The following TRIM36 variants were observed in gnomAD, a reference collection of about 807,000 sequenced individuals.
TRIM36 encodes the protein E3 ubiquitin-protein ligase TRIM36.
A neutral mutation model predicts 72.4 loss-of-function variants in TRIM36; 42 were observed. The ratio of observed to expected loss-of-function variants is 0.58; its 90% confidence interval spans 0.45 to 0.75. The LOEUF is 0.75. TRIM36 is among the 30% of genes least tolerant of loss of function. TRIM36 has a pLI of 0.00. For synonymous variants in TRIM36, 315 were observed against 282.8 expected, an observed-to-expected ratio of 1.11 and a Z score of -1.14; for missense variants, 913 against 857.1, an observed-to-expected ratio of 1.07 and a Z score of -0.81.
intron 4 of TRIM36, among the ~76,000 whole-genome samples, chr5:115,143,875 T>G (rs1189172274): frequency 6.6e-6 from 1 of 152,100 alleles, no homozygotes; most frequent in Non-Finnish European, 1.5e-5. Context: ...TCAGGTTTTT[T>G]TTTGTTTGTT....
upstream of TRIM36, among the ~76,000 whole-genome samples, chr5:115,173,552 G>T (rs111545295): frequency 6.6e-6 from 1 of 151,962 alleles, no homozygotes; most frequent in South Asian, 2.1e-4. Context: ...GTGCGCGCAC[G>T]CATGTGTTGA....
intron 3 of TRIM36, among the ~76,000 whole-genome samples, chr5:115,145,813 T>C (rs1003300133): frequency 6.6e-6 from 1 of 152,206 alleles, no homozygotes; most frequent in African/African-American, 2.4e-5. Context: ...TTTCAGCATG[T>C]CCAAGTTTCT....
intron 1 of TRIM36, among the ~76,000 whole-genome samples, chr5:115,167,466 T>G (rs1179222552): frequency 6.6e-6 from 1 of 152,228 alleles, no homozygotes; most frequent in East Asian, 1.9e-4. Context: ...TCCAAACTTT[T>G]ACGCTCCGCT....
chr5:115,161,902 T>G (rs1754503756), intron 2 of TRIM36, among the ~76,000 whole-genome samples: 1 of 152,228 alleles, frequency 6.6e-6, no homozygotes, highest in South Asian at 2.1e-4. Flanking sequence ...ATGCACCCGT[T>G]TGGCCCTGCA....
chr5:115,144,162 C>A (rs1753446888), intron 4 of TRIM36, among the ~76,000 whole-genome samples: 1 of 151,984 alleles, frequency 6.6e-6, no homozygotes, highest in Admixed American at 6.6e-5. Flanking sequence ...GTGTGAGCCA[C>A]GGAAGTAATT....
Position 115,169,759 on chromosome 5 carries a change from G to C in TRIM36, c.-125C>G. On this transcript the variant is annotated 5_prime_UTR_variant, in exon 1 of 10. Transcript: ENST00000513154. ...CGGTCCGAAGCTGGAAGATGAGCTG[G>C]TCAGCTGTACGTGGCCAGCGGACCG... The C allele has an allele frequency of 7.1e-7, 1 of 1,403,816 alleles. No homozygotes were observed. The allele number at this position is 1,403,816 out of a possible 1,614,324, so 87.0% of individuals were successfully genotyped here.
chr5:115,170,105 G>A (rs1755029978), upstream of TRIM36: 1 of 417,612 alleles, frequency 2.4e-6, no homozygotes, highest in Non-Finnish European at 3.2e-6. Context: ...TTGGGACTCG[G>A]CGCCCTCCGC....
chr5:115,126,931 T>C (rs1271488820), intron 9 of TRIM36, 74 bp from the exon 10 acceptor site: 1 of 1,382,356 alleles, frequency 7.2e-7, no homozygotes, highest in African/African-American at 1.5e-5. Flanking sequence ...CACAGGATAA[T>C]ATACATTGAT....
At chr5:115,138,244 C>G (rs991039747) in intron 5 of TRIM36, among the ~76,000 whole-genome samples, 2 of 152,136 alleles carry the variant, frequency 1.3e-5, no homozygotes, top group African/African-American at 4.8e-5. Context: ...GGACTACAGG[C>G]ACATGCCACC....
intron 4 of TRIM36, among the ~76,000 whole-genome samples, chr5:115,142,102 T>C (rs375237859): frequency 6.6e-5 from 10 of 152,194 alleles, no homozygotes; most frequent in South Asian, 4.2e-4. Context: ...GAAAAATGTA[T>C]TGAGAGTCTA....
upstream of TRIM36, chr5:115,171,204 C>G (rs1016314152): frequency 6.2e-7 from 1 of 1,614,188 alleles, no homozygotes; most frequent in African/African-American, 1.3e-5. Context: ...CAGCGGTAGC[C>G]TCGTCTCCAA....
chr5:115,131,472 T>G (rs1752672301), intron 8 of TRIM36, among the ~76,000 whole-genome samples: 1 of 152,190 alleles, frequency 6.6e-6, no homozygotes, highest in Non-Finnish European at 1.5e-5. Flanking sequence ...CTTTAATTTA[T>G]TCATCTGCAG....
At chr5:115,153,072 C>T (rs1753979948) in intron 2 of TRIM36, among the ~76,000 whole-genome samples, 1 of 152,102 alleles carries the variant, frequency 6.6e-6, no homozygotes, top group Non-Finnish European at 1.5e-5. Context: ...AAATGCTCCA[C>T]TTAAAAAAAG....
At chr5:115,130,949 T>C in intron 8 of TRIM36, 60 bp from the exon 9 acceptor site, 5 of 1,514,090 alleles carry the variant, frequency 3.3e-6, no homozygotes, top group East Asian at 2.3e-5. Flanking sequence ...GTTTGTTAAA[T>C]CTGATAGGTT....
At chr5:115,129,095 CTGT>C (rs1483469020) in intron 9 of TRIM36, among the ~76,000 whole-genome samples, 4 of 152,150 alleles carry the variant, frequency 2.6e-5, no homozygotes, top group African/African-American at 9.7e-5. Context: ...ACAGTACATG[CTGT>C]ACAGGTTTGT....
In TRIM36 at chr5:115,141,362, T is replaced by C. The variant is rs769178129; in HGVS notation, c.748A>G (p.Lys250Glu). The change falls in exon 5 of 10, where the codon AAG (lysine) becomes GAG (glutamate). Residue 250 changes from lysine to glutamate, a missense_variant. Lys to Glu is a moderately conservative substitution (Grantham distance 56). Coordinates refer to ENST00000513154, the MANE Select transcript of TRIM36 (RefSeq NM_001300759.2). Reference protein sequence around the residue: ...AYKTLKEKLSKDIDYLIGKES... With the variant: ...AYKTLKEKLSEDIDYLIGKES... Reference sequence around the variant, plus strand: ...TTACCAATAAGGTAATCAATATCCTTTGAAAGCTTTTCCTGTTGAAACATA... The same window carrying C: ...TTACCAATAAGGTAATCAATATCCTCTGAAAGCTTTTCCTGTTGAAACATA... 5 of 1,590,754 alleles carry C rather than the reference T, an allele frequency of 3.1e-6. No homozygotes were observed. The highest frequency in any genetic ancestry group is 3.4e-6 in the Non-Finnish European group (4 of 1,172,804).
chr5:115,169,859 C>A lies in TRIM36; in HGVS notation c.-225G>T. Reference sequence around the variant, plus strand: ...GCGAGCTTTGCTCCCAGCGACTACCCCGGGAATCCCGCCCAGCTGCCGGCT... The same window carrying A: ...GCGAGCTTTGCTCCCAGCGACTACCACGGGAATCCCGCCCAGCTGCCGGCT... On this transcript the variant is annotated 5_prime_UTR_variant, in exon 1 of 10. Coordinates refer to ENST00000513154, the MANE Select transcript of TRIM36 (RefSeq NM_001300759.2). The A allele has an allele frequency of 1.5e-6, 2 of 1,307,440 alleles. No homozygotes were observed. 81.0% of individuals were successfully genotyped at this position (1,307,440 alleles called of 1,614,324 possible).
intron 1 of TRIM36, among the ~76,000 whole-genome samples, chr5:115,166,708 G>A (rs909445155): frequency 6.6e-6 from 1 of 152,230 alleles, no homozygotes; most frequent in Non-Finnish European, 1.5e-5. Context: ...CAAGAGAGGA[G>A]AGAAGAGCTG....
chr5:115,132,902 C>T (rs1461852864), intron 8 of TRIM36, among the ~76,000 whole-genome samples: 1 of 152,126 alleles, frequency 6.6e-6, no homozygotes, highest in East Asian at 1.9e-4. Flanking sequence ...CAAATTCATC[C>T]CAAAACTCTC....
Sources: gnomAD v4.1 joint callset for allele counts (sites outside exome capture counted in the v4.1 genomes callset) on GRCh38, gnomAD v4.1.1 for gene constraint, MANE v1.5 for transcripts, NCBI Gene and HGNC (gene_info 2026-07-23, HGNC 2026-07-21) for gene names.